The following TRIP6 variants were observed in gnomAD, a reference collection of about 807,000 sequenced individuals.
TRIP6 encodes thyroid receptor-interacting protein 6.
TRIP6 carries 33 observed loss-of-function variants against 51.9 expected under a neutral mutation model. The ratio of observed to expected loss-of-function variants is 0.64; its 90% CI spans 0.48 to 0.85. The LOEUF is 0.85. TRIP6 is among the 40% of genes least tolerant of loss of function. The pLI is 0.00. For missense variants in TRIP6, 661 were observed against 652.1 expected (o/e 1.01, Z -0.15); for synonymous variants, 255 against 275.8 (o/e 0.92, Z 0.75).
Position 100,867,421 on chromosome 7 carries a change from G to T in TRIP6, c.-77G>T. 1 of 1,102,496 alleles carries T rather than the reference G, an allele frequency of 9.1e-7. No individual in the cohort carries two copies. The highest frequency in any genetic ancestry group is 1.8e-5 in the South Asian group (1 of 56,118). The allele number at this position is 1,102,496 out of a possible 1,614,324, so 68.3% of individuals were successfully genotyped here. On this transcript the variant is annotated 5_prime_UTR_variant, in exon 1 of 9. Coordinates refer to ENST00000200457, the MANE Select transcript of TRIP6 (RefSeq NM_003302.3). The surrounding 1 kb of genome is among the most constrained non-coding windows in gnomAD (Gnocchi z 5.4). ...TTTCTTTTCTGGAGTCCCAAACGAG[G>T]TGCGGGACGGAAGAGGGGGTGAAGG...
chr7:100,868,915 C>G, intron 4 of TRIP6, 49 bp downstream of exon 4: 1 of 1,445,426 alleles, frequency 6.9e-7, no homozygotes, highest in South Asian at 1.6e-5. Context: ...AATGGGACAC[C>G]GACTGGGTGG....
intron 8 of TRIP6, 79 bp from the exon 9 acceptor site, chr7:100,873,093 C>T (rs1815308252): frequency 6.5e-7 from 1 of 1,546,712 alleles, no homozygotes; most frequent in African/African-American, 1.4e-5. Flanking sequence ...TTGTGATCCT[C>T]CTGCCTCGGC....
At position 100,868,123 on chromosome 7, in the gene TRIP6, A is replaced by AG. The variant is rs774628656; in HGVS notation, c.260dup (p.Leu88ProfsTer37). ...CCATCCTCAGGGGCTCCCTGCAGAC[A>AG]GGGGGGGCCTTCGCCCTGGAAGCCT... On this transcript the variant is annotated frameshift_variant, in exon 3 of 9. Coordinates refer to ENST00000200457, the MANE Select transcript of TRIP6 (RefSeq NM_003302.3). LOFTEE classifies it high-confidence loss of function. 26 of 1,612,368 alleles carry AG rather than the reference A, an allele frequency of 1.6e-5. No individual in the cohort carries two copies. Among genetic ancestry groups the AG allele is most frequent in the African/African-American group, 8.0e-5 (6 of 74,826 alleles).
At chr7:100,868,887 A>AT (rs762654264) in intron 4 of TRIP6, 21 bp downstream of exon 4, 43 of 1,485,774 alleles carry the variant, frequency 2.9e-5, no homozygotes, top group Non-Finnish European at 2.7e-6. Context: ...GGGAACTGGG[A>AT]TTTCAGGCCC....
In TRIP6 at chr7:100,867,495, G is replaced by C. The variant is rs1815163407; in HGVS notation, c.-3G>C. The C allele has an allele frequency of 1.4e-6, 2 of 1,479,346 alleles. No homozygotes were observed. Among genetic ancestry groups the C allele is most frequent in the Admixed American group, 2.5e-5 (1 of 40,110 alleles). 91.6% of individuals were successfully genotyped at this position (1,479,346 alleles called of 1,614,324 possible). ...CGCTGTCTGGAGTCCCCCTTTCCAG[G>C]CCATGTCGGGGCCCACCTGGCTGCC... is the stretch of plus-strand genomic sequence containing the variant. On this transcript the variant is annotated 5_prime_UTR_variant, in exon 1 of 9. Transcript: ENST00000200457. The surrounding 1 kb of genome is among the most constrained non-coding windows in gnomAD (Gnocchi z 5.4).
At chr7:100,870,334 G>C (rs1367400781) in intron 4 of TRIP6, 36 bp from the exon 5 acceptor site, 8 of 1,509,022 alleles carry the variant, frequency 5.3e-6, no homozygotes, top group Non-Finnish European at 7.1e-6. Flanking sequence ...AGCATCAGGA[G>C]CTAGAGTAGG....
In TRIP6 at chr7:100,870,592, G is replaced by A; in HGVS notation, c.848G>A (p.Gly283Glu). 6.2e-7 allele frequency: 1 copy of A among 1,614,122 alleles called. No individual in the cohort carries two copies. The highest frequency in any genetic ancestry group is 1.3e-5 in the African/African-American group (1 of 75,062). ...GEYFGQCGGC[G>E]EDVVGDGAGV... ...TCCTCAGGCCAGTGTGGTGGCTGCGGAGAAGATGTGGTTGGGGATGGGGCT... is the reference window on the plus strand; with the variant it reads ...TCCTCAGGCCAGTGTGGTGGCTGCGAAGAAGATGTGGTTGGGGATGGGGCT... Residue 283 changes from glycine to glutamate, a missense_variant, in exon 6 of 9, where the codon GGA becomes GAA. Physicochemically the swap from Gly to Glu is moderately conservative, Grantham distance 98. Coordinates refer to ENST00000200457, the MANE Select transcript of TRIP6 (RefSeq NM_003302.3).
chr7:100,868,584 C>T lies in TRIP6; in HGVS notation c.453C>T (p.Gly151=). The T allele has an allele frequency of 6.2e-7, 1 of 1,613,034 alleles. No homozygotes were observed. The highest frequency in any genetic ancestry group is 1.7e-5 in the Admixed American group (1 of 60,024). The part of the protein sequence containing the change: ...ASPLPASPYG[G]PTPASYTTAS... ...CGCTCCCAGCGTCTCCCTATGGGGGCCCCACTCCAGCCTCTTACACTACCG... is the reference window on the plus strand; with the variant it reads ...CGCTCCCAGCGTCTCCCTATGGGGGTCCCACTCCAGCCTCTTACACTACCG... Residue 151 remains glycine, a synonymous_variant, in exon 4 of 9, where the codon GGC becomes GGT. Coordinates refer to ENST00000200457, the MANE Select transcript of TRIP6 (RefSeq NM_003302.3).
chr7:100,872,181 G>GTTTTTTTTTTTTTTTTTTTTTTTTTT (rs34239953), intron 7 of TRIP6, among the ~76,000 whole-genome samples: 3 of 95,592 alleles, frequency 3.1e-5, no homozygotes, highest in African/African-American at 4.2e-5. Context: ...CGCCTGGCTA[G>GTTTTTTTTTTTTTTTTTTTTTTTTTT]TTTTTTTTTT....
chr7:100,868,155 C>T lies in TRIP6; in HGVS notation c.285C>T (p.Ala95=), dbSNP rs145233601. 190 of 1,611,648 alleles carry T rather than the reference C, an allele frequency of 1.2e-4. No individual in the cohort carries two copies. In the African/African-American group the frequency reaches 2.2e-3, roughly 18 times the overall value. ...GCCTTCGCCCTGGAAGCCTGGACGC[C>T]GAGATAGACTTGCTGAGCAGCACGC... ...RGGLRPGSLD[A]EIDLLSSTLA... Residue 95 remains alanine (A), a synonymous_variant, in exon 3 of 9, where the codon GCC becomes GCT. Coordinates refer to ENST00000200457, the MANE Select transcript of TRIP6 (RefSeq NM_003302.3).
In TRIP6 at chr7:100,872,659, C is replaced by T; in HGVS notation, c.1214C>T (p.Ala405Val). The change falls in exon 8 of 9, where the codon GCC (alanine) becomes GTC (valine). Residue 405 changes from alanine to valine, a missense_variant. By Grantham distance (64) the Ala-to-Val change is moderately conservative. Transcript: ENST00000200457. ...FAPRCSVCGG[A>V]IMPEPGQEET... is the part of the protein sequence containing the mutation. ...CCAAGATGCTCAGTGTGCGGTGGGG[C>T]CATAATGCCTGAGCCAGGTCAGGAG... 1 of 1,614,012 alleles carries T rather than the reference C, an allele frequency of 6.2e-7. No homozygotes were observed. Among genetic ancestry groups the T allele is most frequent in the Non-Finnish European group, 8.5e-7 (1 of 1,179,952 alleles).
chr7:100,869,706 G>A (rs562931696), intron 4 of TRIP6, among the ~76,000 whole-genome samples: 65 of 147,526 alleles, frequency 4.4e-4, no homozygotes, highest in African/African-American at 1.5e-3. Context: ...GAGCTTTCTA[G>A]CTGGAACTGC....
chr7:100,870,441 C>A lies in TRIP6; in HGVS notation c.807C>A (p.His269Gln). The change falls in exon 5 of 9, where the codon CAC (histidine) becomes CAA (glutamine). Residue 269 changes from histidine to glutamine, a missense_variant. Transcript: ENST00000200457. ...LTKKLVHDMN[H>Q]PPSGEYFGQC... ...AGAAGCTGGTTCACGACATGAACCA[C>A]CCGCCCAGCGGGGAGTACTTTGGTG... is the stretch of plus-strand genomic sequence containing the variant. 4 of 1,613,560 alleles carry A rather than the reference C, an allele frequency of 2.5e-6. No individual in the cohort carries two copies. Among genetic ancestry groups the A allele is most frequent in the Non-Finnish European group, 3.4e-6 (4 of 1,179,948 alleles).
In TRIP6 at chr7:100,873,262, C is replaced by A; in HGVS notation, c.1390C>A (p.Arg464Ser). Residue 464 changes from arginine to serine, a missense_variant, in exon 9 of 9, where the codon CGC (arginine) becomes AGC (serine). By Grantham distance (110) the Arg-to-Ser change is moderately radical. Coordinates refer to ENST00000200457, the MANE Select transcript of TRIP6 (RefSeq NM_003302.3). ...CTTGTGCAAGGCCTGCAGCGCCTGG[C>A]GCATCCAGGAGCTCTCAGCCACCGT... ...HILCKACSAW[R>S]IQELSATVTT... 1.4e-5 allele frequency: 23 copies of A among 1,612,994 alleles called. No individual in the cohort carries two copies. The highest frequency in any genetic ancestry group is 1.9e-5 in the Non-Finnish European group (22 of 1,179,222).
Position 100,867,792 on chromosome 7 carries a change from T to C in TRIP6, c.110-69T>C. ...AGGAGGTAACGAGAGGCGGAGAGGG[T>C]GGCTCCTCAAATATACACCCCTCCT... is the stretch of plus-strand genomic sequence containing the variant. On this transcript the variant is annotated intron_variant, in intron 1 of 8. Transcript: ENST00000200457. The surrounding 1 kb of genome is among the most constrained non-coding windows in gnomAD (Gnocchi z 5.4). 2 of 1,518,202 alleles carry C rather than the reference T, an allele frequency of 1.3e-6. No individual in the cohort carries two copies. The highest frequency in any genetic ancestry group is 2.3e-5 in the Admixed American group (1 of 43,830). 94.0% of individuals were successfully genotyped at this position (1,518,202 alleles called of 1,614,324 possible). A position where few individuals can be genotyped will look rare whatever the true frequency, so the allele number is the denominator to read the frequency against.
At position 100,870,476 on chromosome 7, in the gene TRIP6, TG is replaced by T; in HGVS notation, c.829+14del. 2 of 1,603,196 alleles carry T rather than the reference TG, an allele frequency of 1.2e-6. No individual in the cohort carries two copies. The highest frequency in any genetic ancestry group is 1.7e-6 in the Non-Finnish European group (2 of 1,172,876). On this transcript the variant is annotated intron_variant, in intron 5 of 8. Coordinates refer to ENST00000200457, the MANE Select transcript of TRIP6 (RefSeq NM_003302.3). ...GGGGAGTACTTTGGTGAGCTGAGGC[TG>T]TGGGGTGGGTGGGACGTGGGAAGGG...
At position 100,868,015 on chromosome 7, in the gene TRIP6, CAT is replaced by C. The variant is rs970648498; in HGVS notation, c.237+28_237+29del. 2.6e-6 allele frequency: 4 copies of C among 1,519,538 alleles called. No homozygotes were observed. The African/African-American group carries it at 4.2e-5, about 16-fold the overall frequency. 94.1% of individuals were successfully genotyped at this position (1,519,538 alleles called of 1,614,324 possible). On this transcript the variant is annotated intron_variant, in intron 2 of 8. Transcript: ENST00000200457. ...TGAGACCCGGGATCGTGGGGTGGGA[CAT>C]GTGGGATCCCCCAGAACCGAGTCTG...
Position 100,867,653 on chromosome 7 carries a change from C to A in TRIP6, c.109+47C>A. On this transcript the variant is annotated intron_variant, in intron 1 of 8. Transcript: ENST00000200457. This position sits in a 1 kb window ranked among gnomAD's most constrained non-coding sequence, Gnocchi z 5.4. Reference sequence around the variant, plus strand: ...AGAAGAGCCACCCAGCTGTGGCGCTCACCTCTGTCCTACCGCTCCAGCCTC... The same window carrying A: ...AGAAGAGCCACCCAGCTGTGGCGCTAACCTCTGTCCTACCGCTCCAGCCTC... 6.4e-7 allele frequency: 1 copy of A among 1,558,360 alleles called. No individual in the cohort carries two copies. The highest frequency in any genetic ancestry group is 1.1e-5 in the South Asian group (1 of 87,896).
chr7:100,870,838 A>G (rs937002886), intron 6 of TRIP6, 95 bp downstream of exon 6: 4 of 1,468,256 alleles, frequency 2.7e-6, no homozygotes, highest in Non-Finnish European at 3.6e-6. Context: ...CAAAGGAGGA[A>G]CGGTGCTAAA....
Sources: gnomAD v4.1 joint callset for allele counts (sites outside exome capture counted in the v4.1 genomes callset) on GRCh38, gnomAD v4.1.1 for gene constraint, Gnocchi (gnomAD v3.1) non-coding constraint, MANE v1.5 for transcripts, NCBI Gene and HGNC (gene_info 2026-07-23, HGNC 2026-07-21) for gene names.